ASB3: variants seen among roughly 807,000 people sequenced by gnomAD.
ASB3 encodes the protein ankyrin repeat and SOCS box protein 3.
ASB3 carries 41 observed loss-of-function variants against 54.5 expected under a neutral mutation model. The observed-to-expected ratio is 0.75, with a 90% CI of 0.59 to 0.98. The LOEUF is 0.98. Ranked by LOEUF, ASB3 falls within the 50% of genes least tolerant of loss-of-function variation. The pLI, the probability that ASB3 is intolerant of heterozygous loss-of-function variation, is 0.00. For missense variants in ASB3, 733 were observed against 620.0 expected (o/e 1.18, Z -1.94); for synonymous variants, 266 against 221.2 (o/e 1.20, Z -1.80).
At chr2:53,754,689 A>C (rs984272672) in intron 2 of ASB3, among the ~76,000 whole-genome samples, 1 of 152,238 alleles carries the variant, frequency 6.6e-6, no homozygotes. Flanking sequence ...CAGTGAAACG[A>C]GGATAAATTA....
chr2:53,722,918 T>A (rs538702972), intron 5 of ASB3, among the ~76,000 whole-genome samples: 1 of 152,226 alleles, frequency 6.6e-6, no homozygotes, highest in East Asian at 1.9e-4. Flanking sequence ...TCTCTGACAA[T>A]ATGATTCTAT....
At chr2:53,767,961 C>G (rs1481467313) in intron 1 of ASB3, 1 of 1,614,150 alleles carries the variant, frequency 6.2e-7, no homozygotes, top group Admixed American at 1.7e-5. Flanking sequence ...TCGGATACAT[C>G]ACCAACTACA....
At chr2:53,731,721 C>T (rs919588981) in intron 3 of ASB3, among the ~76,000 whole-genome samples, 11 of 152,076 alleles carry the variant, frequency 7.2e-5, no homozygotes, top group African/African-American at 2.7e-4. Flanking sequence ...GGCGTGATCT[C>T]AGCTCACTAC....
chr2:53,720,335 A>G (rs948721185), intron 5 of ASB3, among the ~76,000 whole-genome samples: 2 of 152,208 alleles, frequency 1.3e-5, no homozygotes, highest in African/African-American at 2.4e-5. Context: ...GGACCTCCTG[A>G]GGCTGTGTCA....
At chr2:53,752,824 G>A (rs1027738114) in intron 2 of ASB3, among the ~76,000 whole-genome samples, 1 of 152,116 alleles carries the variant, frequency 6.6e-6, no homozygotes, top group Non-Finnish European at 1.5e-5. Context: ...TACCCATCAG[G>A]GAAAGGAATC....
At chr2:53,684,828 T>C (rs1290998127) in intron 9 of ASB3, among the ~76,000 whole-genome samples, 1 of 152,152 alleles carries the variant, frequency 6.6e-6, no homozygotes, top group Admixed American at 6.5e-5. Context: ...GTAGCCAATA[T>C]GTAAAAGAGA....
intron 2 of ASB3, among the ~76,000 whole-genome samples, chr2:53,753,827 G>T (rs1672666813): frequency 6.6e-6 from 1 of 151,694 alleles, no homozygotes; most frequent in African/African-American, 2.4e-5. Flanking sequence ...TTTTAGTAGA[G>T]ACATGTTTTT....
At chr2:53,689,252 G>C (rs565261039) in intron 9 of ASB3, among the ~76,000 whole-genome samples, 76 of 152,224 alleles carry the variant, frequency 5.0e-4, no homozygotes, top group Middle Eastern at 3.4e-3. Flanking sequence ...TCTGTCTGCT[G>C]TTCATGCAGA....
chr2:53,678,731 T>C (rs1421252064), intron 9 of ASB3, among the ~76,000 whole-genome samples: 1 of 152,202 alleles, frequency 6.6e-6, no homozygotes, highest in Non-Finnish European at 1.5e-5. Context: ...CATTCTACCA[T>C]GAACTCTGTA....
At chr2:53,698,591 C>T (rs2103755293) in intron 8 of ASB3, among the ~76,000 whole-genome samples, 1 of 152,320 alleles carries the variant, frequency 6.6e-6, no homozygotes, top group Admixed American at 6.5e-5. Flanking sequence ...TAAATTCAGC[C>T]TTCCATAAAG....
chr2:53,670,594 G>A lies in ASB3; in HGVS notation c.1466C>T (p.Pro489Leu). The A allele has an allele frequency of 6.2e-7, 1 of 1,613,912 alleles. No homozygotes were observed. Among genetic ancestry groups the A allele is most frequent in the South Asian group, 1.1e-5 (1 of 91,058 alleles). ...LRSDSYISQL[P>L]LPRSLHNYLL... ...ATAATTATGTAGGCTTCTGGGAAGT[G>A]GCAGCTGACTAATATAACTGTCAGA... Residue 489 changes from proline to leucine, a missense_variant, in exon 10 of 10, where the codon CCA (proline) becomes CTA (leucine). Coordinates refer to ENST00000263634, the MANE Select transcript of ASB3 (RefSeq NM_016115.5).
At chr2:53,773,538 C>G (rs1050169018) in intron 1 of ASB3, among the ~76,000 whole-genome samples, 1 of 152,084 alleles carries the variant, frequency 6.6e-6, no homozygotes, top group African/African-American at 2.4e-5. Context: ...TCAAGCAATG[C>G]TCCTGCCTCA....
intron 2 of ASB3, among the ~76,000 whole-genome samples, chr2:53,756,654 G>A (rs1672844175): frequency 6.6e-6 from 1 of 152,124 alleles, no homozygotes; most frequent in Non-Finnish European, 1.5e-5. Context: ...CCCCCTTTGG[G>A]TCCCCTCCCA....
At chr2:53,700,646 G>A (rs1208144845) in intron 7 of ASB3, 118 bp from the exon 8 acceptor site, 2 of 1,372,830 alleles carry the variant, frequency 1.5e-6, no homozygotes, top group East Asian at 2.5e-5. Flanking sequence ...TTAAATAGTG[G>A]ATGGTTTCTA....
Position 53,729,490 on chromosome 2 carries a change from C to T in ASB3, c.436G>A (p.Gly146Arg), listed in dbSNP as rs746802009. The T allele has an allele frequency of 1.2e-6, 2 of 1,613,868 alleles. No individual in the cohort carries two copies. Among genetic ancestry groups the T allele is most frequent in the Admixed American group, 1.7e-5 (1 of 60,026 alleles). The change falls in exon 4 of 10, where the codon GGA (glycine) becomes AGA (arginine). Residue 146 changes from glycine (G) to arginine (R), a missense_variant. Physicochemically the swap from Gly to Arg is moderately radical, Grantham distance 125. Transcript: ENST00000263634. ...GAAGCCTGGTGCAAGGAGTTCCATC[C>T]ACACATAGAATGGGATCCATTAACA... ...ANVNGSHSMC[G>R]WNSLHQASFQ...
intron 9 of ASB3, among the ~76,000 whole-genome samples, chr2:53,684,222 C>T (rs1268865960): frequency 6.6e-6 from 1 of 152,224 alleles, no homozygotes; most frequent in Non-Finnish European, 1.5e-5. Flanking sequence ...CCTCTCTTCA[C>T]TGAAGACTTC....
intron 1 of ASB3, among the ~76,000 whole-genome samples, 193 bp from the exon 2 acceptor site, chr2:53,765,778 T>C (rs1010666181): frequency 1.3e-5 from 2 of 152,186 alleles, no homozygotes; most frequent in South Asian, 2.1e-4. Flanking sequence ...GTTTGGCAGA[T>C]TGGAATTCCT....
intron 2 of ASB3, among the ~76,000 whole-genome samples, chr2:53,755,373 G>C (rs181080801): frequency 3.9e-5 from 6 of 152,198 alleles, no homozygotes; most frequent in African/African-American, 1.4e-4. Context: ...AAAAGTGGTA[G>C]TAATGGGTGA....
intron 2 of ASB3, among the ~76,000 whole-genome samples, chr2:53,759,913 T>G (rs1449498610): frequency 2.0e-5 from 3 of 152,032 alleles, no homozygotes; most frequent in Non-Finnish European, 4.4e-5. Flanking sequence ...CGGGTATGCT[T>G]GATCATTGAG....
Sources: gnomAD v4.1 joint callset for allele counts (sites outside exome capture counted in the v4.1 genomes callset) on GRCh38, gnomAD v4.1.1 for gene constraint, MANE v1.5 for transcripts, NCBI Gene and HGNC (gene_info 2026-07-23, HGNC 2026-07-21) for gene names.